The following ARHGEF28 variants were observed in gnomAD, a reference collection of about 807,000 sequenced individuals.
ARHGEF28 encodes Rho guanine nucleotide exchange factor 28.
In ARHGEF28, 152 loss-of-function variants were observed where a neutral mutation model predicts 206.6. The ratio of observed to expected loss-of-function variants is 0.74; its 90% confidence interval spans 0.64 to 0.84. The LOEUF is 0.84. Ranked by LOEUF, ARHGEF28 falls within the 40% of genes least tolerant of loss-of-function variation. The pLI is 0.00. For missense variants in ARHGEF28, 2,028 were observed against 2,073.2 expected, an observed-to-expected ratio of 0.98 and a Z score of 0.42; for synonymous variants, 763 against 776.4, an observed-to-expected ratio of 0.98 and a Z score of 0.29.
intron 1 of ARHGEF28, among the ~76,000 whole-genome samples, chr5:73,680,434 C>CAAAAAAAAA (rs71615795): frequency 3.3e-5 from 1 of 30,512 alleles, no homozygotes; most frequent in African/African-American, 1.2e-4. Context: ...GACTCCATCT[C>CAAAAAAAAA]AAAAAAAAAA....
At chr5:73,814,380 T>A (rs906331843) in intron 9 of ARHGEF28, among the ~76,000 whole-genome samples, 5 of 152,034 alleles carry the variant, frequency 3.3e-5, no homozygotes. Flanking sequence ...TTACTTGCAA[T>A]CCATTCTTGT....
intron 1 of ARHGEF28, among the ~76,000 whole-genome samples, chr5:73,675,043 G>T (rs747511143): frequency 3.3e-5 from 5 of 152,214 alleles, no homozygotes; most frequent in African/African-American, 4.8e-5. Flanking sequence ...CAAGGAGAGG[G>T]TTGTGGGATC....
intron 4 of ARHGEF28, among the ~76,000 whole-genome samples, chr5:73,759,908 G>T (rs188262509): frequency 0.034 from 5,171 of 152,270 alleles, 302 homozygotes; most frequent in African/African-American, 0.12. Context: ...AAAAATATCT[G>T]TTTCTCTTTC....
chr5:73,640,465 G>T (rs559749776), intron 1 of ARHGEF28, among the ~76,000 whole-genome samples: 46 of 152,272 alleles, frequency 3.0e-4, no homozygotes, highest in African/African-American at 1.0e-3. Flanking sequence ...GAGGGCAAAT[G>T]ATCATATACT....
chr5:73,654,125 G>A (rs1202218245), intron 1 of ARHGEF28, among the ~76,000 whole-genome samples: 1 of 152,180 alleles, frequency 6.6e-6, no homozygotes, highest in Non-Finnish European at 1.5e-5. Flanking sequence ...TCATGTACCA[G>A]CCCCTGGCTG....
At position 73,686,939 on chromosome 5, in the gene ARHGEF28, A is replaced by G. The variant is rs76653836; in HGVS notation, c.33+2055A>G. Among the ~76,000 whole-genome samples the G allele has an allele frequency of 8.0e-3, 1,221 of 152,270 alleles. 18 individuals are homozygous for G. The highest frequency in any genetic ancestry group is 0.028 in the African/African-American group (1,149 of 41,552). On this transcript the variant is annotated intron_variant, in intron 2 of 35. Coordinates refer to ENST00000513042, the MANE Select transcript of ARHGEF28 (RefSeq NM_001177693.2). ...CCCATGGATAATGTTATTATATTAA[A>G]ATACTAATATATTTTATCATTTTTA...
intron 9 of ARHGEF28, among the ~76,000 whole-genome samples, chr5:73,825,829 G>A (rs1424167674): frequency 7.9e-5 from 12 of 152,086 alleles, no homozygotes; most frequent in Admixed American, 7.9e-4. Flanking sequence ...GTTCAGCTTT[G>A]GACCTGTTGT....
intron 2 of ARHGEF28, among the ~76,000 whole-genome samples, chr5:73,721,922 A>G (rs915753157): frequency 4.6e-5 from 7 of 152,298 alleles, no homozygotes; most frequent in Middle Eastern, 6.8e-3. Context: ...TCTTGGTATA[A>G]AGGGCTCAGC....
At chr5:73,785,492 G>T (rs1754106758) in intron 7 of ARHGEF28, among the ~76,000 whole-genome samples, 1 of 152,120 alleles carries the variant, frequency 6.6e-6, no homozygotes, top group South Asian at 2.1e-4. Flanking sequence ...GTGCAAGAAA[G>T]AATTTTTCAA....
intron 4 of ARHGEF28, among the ~76,000 whole-genome samples, chr5:73,762,819 G>A (rs531110126): frequency 6.6e-6 from 1 of 152,242 alleles, no homozygotes; most frequent in East Asian, 1.9e-4. Context: ...TTGAGTTTTG[G>A]AGGTGGAAAA....
At chr5:73,907,180 T>C (rs1762600488) in intron 33 of ARHGEF28, among the ~76,000 whole-genome samples, 1 of 152,196 alleles carries the variant, frequency 6.6e-6, no homozygotes, top group African/African-American at 2.4e-5. Flanking sequence ...ATCTTTCTTT[T>C]AAATGTCAGC....
At chr5:73,832,592 G>A in intron 10 of ARHGEF28, 133 bp downstream of exon 10, 1 of 1,257,084 alleles carries the variant, frequency 8.0e-7, no homozygotes, top group Non-Finnish European at 1.1e-6. Context: ...GCTGTTGTGG[G>A]GTCTCATTGT....
chr5:73,883,853 C>T lies in ARHGEF28; in HGVS notation c.3024C>T (p.Val1008=). The change falls in exon 24 of 36, where the codon GTC becomes GTT. Residue 1008 remains valine, a synonymous_variant. Transcript: ENST00000513042. ...LVTQRITKYP[V]LVERILQYTK... ...CTCAGCGTATTACAAAATACCCTGT[C>T]TTGGTGGAAAGGATATTGCAGTACA... 1 of 1,569,950 alleles carries T rather than the reference C, an allele frequency of 6.4e-7. No individual in the cohort carries two copies. Among genetic ancestry groups the T allele is most frequent in the African/African-American group, 1.4e-5 (1 of 73,858 alleles).
At chr5:73,853,706 G>A (rs1758844509) in intron 14 of ARHGEF28, among the ~76,000 whole-genome samples, 1 of 152,156 alleles carries the variant, frequency 6.6e-6, no homozygotes, top group Non-Finnish European at 1.5e-5. Context: ...TTGAACATTT[G>A]TATGTGCCTT....
intron 1 of ARHGEF28, among the ~76,000 whole-genome samples, chr5:73,661,008 CT>C (rs889320006): frequency 6.6e-6 from 1 of 152,228 alleles, no homozygotes; most frequent in African/African-American, 2.4e-5. Flanking sequence ...TCCTTTGAAG[CT>C]TTTAAGCTAG....
In ARHGEF28 at chr5:73,885,888, T is replaced by C. The variant is rs1291620501; in HGVS notation, c.3094T>C (p.Cys1032Arg). 1.9e-6 allele frequency: 3 copies of C among 1,613,534 alleles called. No homozygotes were observed. The highest frequency in any genetic ancestry group is 1.7e-6 in the Non-Finnish European group (2 of 1,179,792). The change falls in exon 25 of 36, where the codon TGC becomes CGC. Residue 1032 changes from cysteine (C) to arginine (R), a missense_variant. Coordinates refer to ENST00000513042, the MANE Select transcript of ARHGEF28 (RefSeq NM_001177693.2). ...EEHKDLRKALCLIKDMIATVD... is the reference protein window; with the variant it reads ...EEHKDLRKALRLIKDMIATVD... ...ACATAAAGACTTACGCAAAGCGCTT[T>C]GCTTAATTAAAGACATGATTGCAAC...
At chr5:73,853,013 C>T (rs1758798701) in intron 14 of ARHGEF28, among the ~76,000 whole-genome samples, 1 of 152,224 alleles carries the variant, frequency 6.6e-6, no homozygotes. Flanking sequence ...CTCTATTCCA[C>T]CATGACAAGG....
intron 9 of ARHGEF28, chr5:73,813,403 AC>A: frequency 4.9e-6 from 6 of 1,235,852 alleles, no homozygotes; most frequent in Non-Finnish European, 6.4e-6. Flanking sequence ...GTCGGTCTAC[AC>A]GCCTGAATGC....
chr5:73,871,813 A>T (rs1412614826), intron 21 of ARHGEF28, among the ~76,000 whole-genome samples: 2 of 152,200 alleles, frequency 1.3e-5, no homozygotes, highest in Non-Finnish European at 2.9e-5. Flanking sequence ...TTCTGTCTCT[A>T]CAGATTTGTC....
Sources: allele counts gnomAD v4.1 joint callset (sites outside exome capture counted in the v4.1 genomes callset), GRCh38; gene constraint gnomAD v4.1.1; transcripts MANE v1.5; gene names NCBI Gene and HGNC (gene_info 2026-07-23, HGNC 2026-07-21).